Variants in NAPA observed in about 807,000 individuals in gnomAD.
The protein encoded by NAPA is alpha-soluble NSF attachment protein.
A neutral mutation model predicts 48.0 loss-of-function variants in NAPA; 18 were observed. The observed-to-expected ratio is 0.38, with a 90% CI of 0.26 to 0.56. The LOEUF (loss-of-function observed/expected upper bound fraction) is 0.56, where lower values mean the gene tolerates loss of function less well. NAPA is among the 20% of genes least tolerant of loss of function. The pLI is 0.77. For missense variants in NAPA, 315 were observed against 385.0 expected, an observed-to-expected ratio of 0.82 and a Z score of 1.52; for synonymous variants, 152 against 149.9, an observed-to-expected ratio of 1.01 and a Z score of -0.10.
In NAPA at chr19:47,493,057, G is replaced by C; in HGVS notation, c.477-12C>G. ...ACTTGTTGGCTGAGCTGTGTGGGGAGGAGTAGTGAGGGGAAGTGGTGGCGG... is the reference window on the plus strand; with the variant it reads ...ACTTGTTGGCTGAGCTGTGTGGGGACGAGTAGTGAGGGGAAGTGGTGGCGG... On this transcript the variant is annotated splice_polypyrimidine_tract_variant and intron_variant, in intron 6 of 10. Coordinates refer to ENST00000263354, the MANE Select transcript of NAPA (RefSeq NM_003827.4). The surrounding 1 kb of genome is among the most constrained non-coding windows in gnomAD (Gnocchi z 6.4). The C allele has an allele frequency of 6.2e-7, 1 of 1,614,172 alleles. No individual in the cohort carries two copies. Among genetic ancestry groups the C allele is most frequent in the South Asian group, 1.1e-5 (1 of 91,088 alleles).
chr19:47,510,552 T>C (rs1246706884), intron 1 of NAPA, among the ~76,000 whole-genome samples: 1 of 152,162 alleles, frequency 6.6e-6, no homozygotes, highest in African/African-American at 2.4e-5. Flanking sequence ...ATGATTTTCA[T>C]TTCACAGATG....
Position 47,514,997 on chromosome 19 carries a change from C to A in NAPA, c.-57G>T, listed in dbSNP as rs551186672. The A allele has an allele frequency of 6.4e-7, 1 of 1,550,962 alleles. No homozygotes were observed. The highest frequency in any genetic ancestry group is 8.8e-7 in the Non-Finnish European group (1 of 1,134,324). On this transcript the variant is annotated 5_prime_UTR_variant, in exon 1 of 11. Coordinates refer to ENST00000263354, the MANE Select transcript of NAPA (RefSeq NM_003827.4). ...GACCCTGACCCTGGGAAGACTCAGCCGCGGCCGGGCCGCGGAACACAGATC... is the reference window on the plus strand; with the variant it reads ...GACCCTGACCCTGGGAAGACTCAGCAGCGGCCGGGCCGCGGAACACAGATC...
At chr19:47,500,808 A>C in intron 2 of NAPA, 59 bp from the exon 3 acceptor site, 2 of 1,318,722 alleles carry the variant, frequency 1.5e-6, no homozygotes, top group Non-Finnish European at 2.1e-6. Context: ...TTATGAAGCC[A>C]CAGAGACACT....
chr19:47,514,119 G>A (rs1968859310), intron 1 of NAPA, among the ~76,000 whole-genome samples: 1 of 151,894 alleles, frequency 6.6e-6, no homozygotes, highest in Non-Finnish European at 1.5e-5. Context: ...AAAGTGCTGA[G>A]ACCTCCACAG....
intron 1 of NAPA, among the ~76,000 whole-genome samples, chr19:47,503,706 G>A (rs1296534973): frequency 8.5e-5 from 13 of 152,182 alleles, no homozygotes; most frequent in African/African-American, 1.9e-4. Context: ...AGCTCCCTCC[G>A]GGAGTACTGG....
intron 9 of NAPA, among the ~76,000 whole-genome samples, chr19:47,490,308 C>CGT (rs57195620): frequency 4.1e-5 from 5 of 121,140 alleles, no homozygotes; most frequent in Non-Finnish European, 8.5e-5. Flanking sequence ...AGGGGTGTGT[C>CGT]GTGTGTGTGT....
chr19:47,485,347 A>G (rs562571270), downstream of NAPA, among the ~76,000 whole-genome samples: 2 of 152,224 alleles, frequency 1.3e-5, no homozygotes, highest in Non-Finnish European at 2.9e-5. Context: ...AAGTCCACTG[A>G]CTGATATGCT....
chr19:47,496,910 A>G, intron 3 of NAPA: 1 of 453,116 alleles, frequency 2.2e-6, no homozygotes, highest in Admixed American at 2.4e-5. Flanking sequence ...GGGATCTAAA[A>G]GGGACTGAGA....
In NAPA at chr19:47,488,273, G is replaced by T. The variant is rs200636147; in HGVS notation, c.*15C>A. On this transcript the variant is annotated 3_prime_UTR_variant, in exon 11 of 11. Transcript: ENST00000263354. ...GATGGGACAGGAAGACGGGCACTGG[G>T]GGGCTGGGTGGGGCTTAGCGCAGGT... The T allele has an allele frequency of 6.2e-4, 993 of 1,602,752 alleles. 1 individual carries two copies. The highest frequency in any genetic ancestry group is 3.8e-3 in the Middle Eastern group (22 of 5,794).
chr19:47,497,142 G>A (rs1338351288), intron 3 of NAPA: 2 of 220,160 alleles, frequency 9.1e-6, no homozygotes, highest in Non-Finnish European at 1.9e-5. Context: ...AGTGAGGTGA[G>A]AGGCCCGCCT....
intron 3 of NAPA, among the ~76,000 whole-genome samples, chr19:47,499,502 G>A (rs1968517990): frequency 6.6e-6 from 1 of 152,186 alleles, no homozygotes; most frequent in South Asian, 2.1e-4. Flanking sequence ...GCCTGCTGTG[G>A]CCCAGTGCTA....
At position 47,489,707 on chromosome 19, in the gene NAPA, T is replaced by C; in HGVS notation, c.786+4A>G. 2 of 1,614,002 alleles carry C rather than the reference T, an allele frequency of 1.2e-6. No homozygotes were observed. Among genetic ancestry groups the C allele is most frequent in the Non-Finnish European group, 1.7e-6 (2 of 1,179,970 alleles). ...GGGCCTGGCCCCCCATGCTGGCCAC[T>C]CACCGACTCGGTGTAGCTGTCCACA... On this transcript the variant is annotated splice_donor_region_variant and intron_variant, in intron 10 of 10. Coordinates refer to ENST00000263354, the MANE Select transcript of NAPA (RefSeq NM_003827.4).
chr19:47,500,891 A>C, intron 2 of NAPA, 142 bp from the exon 3 acceptor site: 1 of 577,312 alleles, frequency 1.7e-6, no homozygotes, highest in Non-Finnish European at 2.9e-6. Flanking sequence ...GACCTGAGCG[A>C]GCCCAGACCG....
At chr19:47,507,871 C>T (rs1322195706) in intron 1 of NAPA, among the ~76,000 whole-genome samples, 1 of 152,172 alleles carries the variant, frequency 6.6e-6, no homozygotes, top group East Asian at 1.9e-4. Flanking sequence ...GCTTACCCTG[C>T]CAGGAAGCAG....
intron 7 of NAPA, chr19:47,492,545 G>A (rs905383475): frequency 5.0e-6 from 2 of 397,286 alleles, no homozygotes; most frequent in South Asian, 4.2e-5. Flanking sequence ...CCAGGGCTCC[G>A]TGCACGCTGG....
At position 47,490,137 on chromosome 19, in the gene NAPA, G is replaced by A. The variant is rs778758172; in HGVS notation, c.736-376C>T. Among the ~76,000 whole-genome samples the A allele has an allele frequency of 4.1e-4, 61 of 148,804 alleles. 1 individual carries two copies. Among genetic ancestry groups the A allele is most frequent in the African/African-American group, 1.3e-3 (51 of 40,392 alleles). The stretch of plus-strand genomic sequence containing the variant: ...TGGTGTTTGGTGTGTGTTGAGTTGC[G>A]TGTGTGGTGTGTTCGGTGTGTGTGT... On this transcript the variant is annotated intron_variant, in intron 9 of 10. Coordinates refer to ENST00000263354, the MANE Select transcript of NAPA (RefSeq NM_003827.4).
intron 1 of NAPA, among the ~76,000 whole-genome samples, chr19:47,504,468 A>G (rs2122767390): frequency 6.6e-6 from 1 of 151,388 alleles, no homozygotes; most frequent in East Asian, 1.9e-4. Context: ...ATATAAACAT[A>G]GGATATTTCT....
chr19:47,492,527 G>C (rs1442550484), intron 7 of NAPA: 2 of 385,546 alleles, frequency 5.2e-6, no homozygotes, highest in Non-Finnish European at 9.9e-6. Flanking sequence ...CTTTTTCTCG[G>C]CCATCACCCA....
rs553165945 is a variant in NAPA at position 47,493,955 on chromosome 19, C to A, written c.343-462G>T. ...TCTGCCCAAGAGTACCAGCTCTGCC[C>A]CCAGGCCAACACCTATCTGTCAGCC... On this transcript the variant is annotated intron_variant, in intron 4 of 10. Coordinates refer to ENST00000263354, the MANE Select transcript of NAPA (RefSeq NM_003827.4). The surrounding 1 kb of genome is among the most constrained non-coding windows in gnomAD (Gnocchi z 6.4). Among the ~76,000 whole-genome samples the A allele has an allele frequency of 1.3e-5, 2 of 152,198 alleles. No homozygotes were observed. Among genetic ancestry groups the A allele is most frequent in the African/African-American group, 2.4e-5 (1 of 41,462 alleles).
Sources: allele counts gnomAD v4.1 joint callset (sites outside exome capture counted in the v4.1 genomes callset), GRCh38; gene constraint gnomAD v4.1.1; non-coding constraint Gnocchi (gnomAD v3.1); transcripts MANE v1.5; gene names NCBI Gene and HGNC (gene_info 2026-07-23, HGNC 2026-07-21).